Variants in ANKRD36C observed in about 807,000 individuals in gnomAD.
ANKRD36C encodes ankyrin repeat domain-containing protein 36C.
A neutral mutation model predicts 276.4 loss-of-function variants in ANKRD36C; 61 were observed. The observed-to-expected ratio is 0.22, with a 90% CI of 0.18 to 0.27. The LOEUF is 0.27. ANKRD36C is among the 10% of genes least tolerant of loss of function. ANKRD36C has a pLI of 1.00. For missense variants in ANKRD36C, 1,447 were observed against 2,032.3 expected (o/e 0.71, Z 5.54); for synonymous variants, 483 against 680.1 (o/e 0.71, Z 4.51).
chr2:95,924,036 T>C (rs1156395908), intron 30 of ANKRD36C, among the ~76,000 whole-genome samples: 1 of 151,716 alleles, frequency 6.6e-6, no homozygotes, highest in Non-Finnish European at 1.5e-5. Context: ...AAGCAGGTGC[T>C]ACATGATCCT....
chr2:95,893,964 A>C (rs1055929061), intron 44 of ANKRD36C, among the ~76,000 whole-genome samples: 19 of 151,426 alleles, frequency 1.3e-4, no homozygotes, highest in Non-Finnish European at 1.8e-4. Context: ...TATGTCAAAA[A>C]CTAAAATAAA....
At chr2:95,958,175 C>T (rs1276003995) in intron 12 of ANKRD36C, among the ~76,000 whole-genome samples, 1 of 152,094 alleles carries the variant, frequency 6.6e-6, no homozygotes, top group Non-Finnish European at 1.5e-5. Context: ...CTCATTACTT[C>T]TCGTTCTATA....
intron 17 of ANKRD36C, 67 bp from the exon 18 acceptor site, chr2:95,945,241 A>G: frequency 7.3e-7 from 1 of 1,367,266 alleles, no homozygotes. Context: ...AATTGCCACC[A>G]TTACTACATG....
At chr2:95,902,624 C>T (rs1056456379) in intron 42 of ANKRD36C, among the ~76,000 whole-genome samples, 7 of 150,168 alleles carry the variant, frequency 4.7e-5, no homozygotes, top group African/African-American at 1.2e-4. Flanking sequence ...TTATGTTGTT[C>T]CCCAGAGCCC....
intron 42 of ANKRD36C, 117 bp downstream of exon 46, chr2:95,910,256 T>A (rs2104393178): frequency 8.3e-7 from 1 of 1,201,038 alleles, no homozygotes; most frequent in Non-Finnish European, 1.1e-6. Flanking sequence ...ATGAAGAATC[T>A]CCGGCCTGCT....
chr2:95,913,674 A>T (rs1342810805), intron 40 of ANKRD36C, among the ~76,000 whole-genome samples: 7 of 151,408 alleles, frequency 4.6e-5, no homozygotes, highest in Non-Finnish European at 1.5e-5. Flanking sequence ...TTAGGAAAAT[A>T]GTTGCTACAC....
chr2:95,849,781 T>G (rs1675249409), downstream of ANKRD36C, among the ~76,000 whole-genome samples: 1 of 152,212 alleles, frequency 6.6e-6, no homozygotes, highest in African/African-American at 2.4e-5. Context: ...GGATTTTCAC[T>G]CCTGTGAGAA....
chr2:95,978,045 T>C lies in ANKRD36C; in HGVS notation c.799+77A>G, dbSNP rs1678849419. The C allele has an allele frequency of 1.2e-5, 6 of 494,824 alleles. No homozygotes were observed. The South Asian group carries it at 1.4e-4, about 12-fold the overall frequency. 30.7% of individuals were successfully genotyped at this position (494,824 alleles called of 1,614,324 possible). On this transcript the variant is annotated intron_variant, in intron 6 of 66. Coordinates refer to ENST00000456556, the Ensembl canonical transcript of ANKRD36C. ...AAACAGTGATTTTTTTAAACTGCTTTTTTGTAATCAAAACATCTTTATTCT... is the reference window on the plus strand; with the variant it reads ...AAACAGTGATTTTTTTAAACTGCTTCTTTGTAATCAAAACATCTTTATTCT...
intron 8 of ANKRD36C, among the ~76,000 whole-genome samples, chr2:95,961,788 G>A (rs907427571): frequency 7.2e-5 from 11 of 151,956 alleles, no homozygotes; most frequent in Non-Finnish European, 1.5e-4. Context: ...CTTCTTTTAT[G>A]CAAATATTCC....
At chr2:95,920,598 T>C (rs2104420908) in intron 34 of ANKRD36C, among the ~76,000 whole-genome samples, 1 of 132,918 alleles carries the variant, frequency 7.5e-6, no homozygotes, top group African/African-American at 2.6e-5. Flanking sequence ...GGATAATATA[T>C]TAGCCTCAAT....
In ANKRD36C at chr2:95,988,156, A is replaced by T. The variant is rs543888508; in HGVS notation, c.198-950T>A. 4.7e-3 allele frequency among the ~76,000 whole-genome samples: 720 copies of T among 151,888 alleles called. 5 individuals carry two copies. The highest frequency in any genetic ancestry group is 0.016 in the African/African-American group (681 of 41,526). ...GTACTGTGGAAAAAGAAGGCAAAAAAAAAAAAAACAACAAATTTTTAAAAC... is the reference window on the plus strand; with the variant it reads ...GTACTGTGGAAAAAGAAGGCAAAAATAAAAAAAACAACAAATTTTTAAAAC... On this transcript the variant is annotated intron_variant, in intron 1 of 66. Coordinates refer to ENST00000456556, the Ensembl canonical transcript of ANKRD36C.
chr2:95,953,882 T>C, intron 14 of ANKRD36C, 57 bp downstream of exon 14: 1 of 1,442,628 alleles, frequency 6.9e-7, no homozygotes, highest in Non-Finnish European at 9.2e-7. Context: ...TAGAAGAAAA[T>C]AATATAAAAA....
chr2:95,953,726 A>T (rs1204496783), intron 14 of ANKRD36C, among the ~76,000 whole-genome samples: 1 of 152,028 alleles, frequency 6.6e-6, no homozygotes, highest in Non-Finnish European at 1.5e-5. Context: ...TTCAGATCAC[A>T]CCTCTCAAAG....
At chr2:95,891,030 G>GTGTA (rs1676338863) in intron 46 of ANKRD36C, among the ~76,000 whole-genome samples, 1 of 151,488 alleles carries the variant, frequency 6.6e-6, no homozygotes, top group Middle Eastern at 3.4e-3. Context: ...AGTCAGTGTG[G>GTGTA]TGTATTCCAA....
intron 14 of ANKRD36C, among the ~76,000 whole-genome samples, chr2:95,951,842 T>C: frequency 6.6e-6 from 1 of 152,428 alleles, no homozygotes; most frequent in Admixed American, 6.5e-5. Flanking sequence ...AATGTGAGAA[T>C]GTAGTTTTTA....
intron 6 of ANKRD36C, among the ~76,000 whole-genome samples, chr2:95,970,529 G>A (rs1019285488): frequency 1.3e-5 from 2 of 152,078 alleles, no homozygotes; most frequent in Non-Finnish European, 2.9e-5. Flanking sequence ...GAGCTACCAA[G>A]ATGTGCCAAC....
At chr2:95,856,773 A>G (rs1363402415) in intron 62 of ANKRD36C, among the ~76,000 whole-genome samples, 3 of 152,228 alleles carry the variant, frequency 2.0e-5, no homozygotes, top group Admixed American at 6.5e-5. Context: ...ATAATTCTAT[A>G]GCAAAAGGTT....
At chr2:95,881,568 A>C (rs1676077480) in intron 56 of ANKRD36C, among the ~76,000 whole-genome samples, 1 of 152,000 alleles carries the variant, frequency 6.6e-6, no homozygotes, top group Non-Finnish European at 1.5e-5. Context: ...TATTCATATT[A>C]AACTTCAACT....
rs550509308 is a variant in ANKRD36C at position 95,912,666 on chromosome 2, G to A, written c.2552-231C>T. Among the ~76,000 whole-genome samples, 89 of 151,420 alleles carry A rather than the reference G, an allele frequency of 5.9e-4. 1 individual carries two copies. Among genetic ancestry groups the A allele is most frequent in the African/African-American group, 2.0e-3 (84 of 41,400 alleles). On this transcript the variant is annotated intron_variant, in intron 40 of 66. Transcript: ENST00000456556. The stretch of plus-strand genomic sequence containing the variant: ...TTTCAAACATGGTATGATTTGTCAC[G>A]TGTCGAAACCCAAAATAAAACCGTG...
Sources: gnomAD v4.1 joint callset for allele counts (sites outside exome capture counted in the v4.1 genomes callset) on GRCh38, gnomAD v4.1.1 for gene constraint, MANE v1.5 for transcripts, NCBI Gene and HGNC (gene_info 2026-07-23, HGNC 2026-07-21) for gene names.